Variants in AKT3 observed in about 807,000 individuals in gnomAD.
AKT3 encodes AKT serine/threonine kinase 3, also known as RAC-gamma serine/threonine-protein kinase.
In AKT3, 15 loss-of-function variants were observed where a neutral mutation model predicts 65.3. That is an observed-to-expected ratio of 0.23 (90% confidence interval 0.15 to 0.35). The LOEUF is 0.35. Ranked by LOEUF, AKT3 falls within the 10% of genes least tolerant of loss-of-function variation. The pLI is 1.00. For synonymous variants in AKT3, 206 were observed against 183.8 expected (o/e 1.12, Z -0.98); for missense variants, 243 against 576.5 (o/e 0.42, Z 5.92).
At chr1:243,491,017 C>T (rs1666271448) in intron 13 of AKT3, among the ~76,000 whole-genome samples, 1 of 152,242 alleles carries the variant, frequency 6.6e-6, no homozygotes, top group African/African-American at 2.4e-5. Flanking sequence ...AGTGAATCTT[C>T]AGCCTCTAAA....
At chr1:243,737,559 A>G (rs1268576834) in intron 2 of AKT3, among the ~76,000 whole-genome samples, 1 of 152,196 alleles carries the variant, frequency 6.6e-6, no homozygotes. Flanking sequence ...AGAAAAAGTG[A>G]GCACTCAATA....
intron 2 of AKT3, among the ~76,000 whole-genome samples, chr1:243,789,547 T>A (rs1691486848): frequency 6.6e-6 from 1 of 152,254 alleles, no homozygotes; most frequent in South Asian, 2.1e-4. Context: ...TTCTTTGAAG[T>A]CTTGAATCCC....
chr1:243,649,232 T>C (rs1448890613), intron 4 of AKT3, among the ~76,000 whole-genome samples: 8 of 152,028 alleles, frequency 5.3e-5, no homozygotes, highest in Admixed American at 5.2e-4. Context: ...ATTCTGTGGA[T>C]TACAGAACAT....
chr1:243,680,018 C>T (rs577745154), intron 3 of AKT3, among the ~76,000 whole-genome samples: 2 of 152,258 alleles, frequency 1.3e-5, no homozygotes, highest in South Asian at 2.1e-4. Context: ...CTTATAAGAA[C>T]ACCCTATAGA....
At chr1:243,492,468 A>AT in intron 13 of AKT3, among the ~76,000 whole-genome samples, 1 of 149,686 alleles carries the variant, frequency 6.7e-6, no homozygotes, top group East Asian at 2.0e-4. Flanking sequence ...CACCTAGCTA[A>AT]TTTTTTTGTA....
At chr1:243,644,521 G>T (rs1190709761) in intron 5 of AKT3, among the ~76,000 whole-genome samples, 1 of 151,494 alleles carries the variant, frequency 6.6e-6, no homozygotes, top group African/African-American at 2.4e-5. Flanking sequence ...ACTTATAGTT[G>T]AAGTTCAAAA....
chr1:243,619,450 G>A (rs1391646373), intron 6 of AKT3, among the ~76,000 whole-genome samples: 1 of 40,618 alleles, frequency 2.5e-5, no homozygotes, highest in African/African-American at 3.8e-5. Context: ...CTAACACTAG[G>A]TCTTATTACA....
At chr1:243,648,481 A>C (rs963297257) in intron 4 of AKT3, among the ~76,000 whole-genome samples, 4 of 152,144 alleles carry the variant, frequency 2.6e-5, no homozygotes, top group Non-Finnish European at 4.4e-5. Context: ...TAATTTGTTG[A>C]TACTTTGTTA....
At chr1:243,722,869 G>T (rs546242200) in intron 2 of AKT3, among the ~76,000 whole-genome samples, 2 of 152,164 alleles carry the variant, frequency 1.3e-5, no homozygotes, top group African/African-American at 4.8e-5. Context: ...CAGTAAGTCT[G>T]GGCACCCATT....
chr1:243,797,425 G>C (rs990343296), intron 2 of AKT3, among the ~76,000 whole-genome samples: 7 of 152,056 alleles, frequency 4.6e-5, no homozygotes, highest in African/African-American at 1.2e-4. Context: ...ATATATAATA[G>C]GAAGACACTC....
chr1:243,746,703 T>C (rs1349456941), intron 2 of AKT3, among the ~76,000 whole-genome samples: 5 of 152,198 alleles, frequency 3.3e-5, no homozygotes, highest in Admixed American at 3.3e-4. Flanking sequence ...TATTCAATTG[T>C]TTGTTTTTAA....
chr1:243,648,473 A>G (rs1468230411), intron 4 of AKT3, among the ~76,000 whole-genome samples: 1 of 152,116 alleles, frequency 6.6e-6, no homozygotes, highest in Non-Finnish European at 1.5e-5. Context: ...CTATTGTTTA[A>G]TTTGTTGATA....
chr1:243,496,618 C>A (rs1667973537), downstream of AKT3, among the ~76,000 whole-genome samples: 1 of 152,208 alleles, frequency 6.6e-6, no homozygotes. Flanking sequence ...AGTGCGAAGC[C>A]CGGGCAGGTC....
intron 3 of AKT3, among the ~76,000 whole-genome samples, chr1:243,689,983 T>A (rs749679398): frequency 1.3e-5 from 2 of 151,496 alleles, no homozygotes; most frequent in Non-Finnish European, 2.9e-5. Context: ...AAAAAAAGAG[T>A]AAATATTTCA....
At chr1:243,572,891 A>G in intron 9 of AKT3, 35 bp downstream of exon 9, 1 of 1,584,264 alleles carries the variant, frequency 6.3e-7, no homozygotes, top group Non-Finnish European at 8.6e-7. Flanking sequence ...AGTCTCTGCA[A>G]AAACAAATTT....
intron 5 of AKT3, among the ~76,000 whole-genome samples, chr1:243,640,499 T>C (rs997736403): frequency 6.6e-6 from 1 of 152,176 alleles, no homozygotes; most frequent in African/African-American, 2.4e-5. Context: ...GCCTGGCAGT[T>C]TATGCGTTCT....
chr1:243,783,407 A>G (rs928098670), intron 2 of AKT3, among the ~76,000 whole-genome samples: 4 of 152,184 alleles, frequency 2.6e-5, no homozygotes, highest in Admixed American at 6.5e-5. Context: ...AGGGTGGCAT[A>G]CCCTAACTCC....
chr1:243,628,671 A>G (rs1188649053), intron 6 of AKT3, among the ~76,000 whole-genome samples: 1 of 152,116 alleles, frequency 6.6e-6, no homozygotes, highest in African/African-American at 2.4e-5. Context: ...GCCACATCCT[A>G]CTGTTCAAAT....
chr1:243,735,930 C>T (rs1490197601), intron 2 of AKT3, among the ~76,000 whole-genome samples: 1 of 152,110 alleles, frequency 6.6e-6, no homozygotes, highest in Non-Finnish European at 1.5e-5. Context: ...TAGTGCTAAA[C>T]ACAAAATACA....
Sources: gnomAD v4.1 joint callset for allele counts (sites outside exome capture counted in the v4.1 genomes callset) on GRCh38, gnomAD v4.1.1 for gene constraint, MANE v1.5 for transcripts, NCBI Gene and HGNC (gene_info 2026-07-23, HGNC 2026-07-21) for gene names.